TRIM33: variants seen among roughly 807,000 people sequenced by gnomAD.
The protein encoded by TRIM33 is tripartite motif containing 33.
A neutral mutation model predicts 125.4 loss-of-function variants in TRIM33; 20 were observed. That is an observed-to-expected ratio of 0.16 (90% CI 0.11 to 0.23). The LOEUF (loss-of-function observed/expected upper bound fraction) is 0.23. Among genes scored for constraint, TRIM33 ranks in the 10% least tolerant of loss-of-function variants. The pLI, the probability that TRIM33 is intolerant of heterozygous loss-of-function variation, is 1.00. For missense variants in TRIM33, 920 were observed against 1,411.4 expected, an observed-to-expected ratio of 0.65 and a Z score of 5.58; for synonymous variants, 564 against 513.9, an observed-to-expected ratio of 1.10 and a Z score of -1.32.
intron 1 of TRIM33, among the ~76,000 whole-genome samples, chr1:114,471,184 C>A (rs952599637): frequency 1.3e-5 from 2 of 152,168 alleles, no homozygotes; most frequent in Non-Finnish European, 2.9e-5. Context: ...CATGGTGGCT[C>A]CCACCTGTAA....
chr1:114,436,551 CA>C (rs1648318776), intron 4 of TRIM33, among the ~76,000 whole-genome samples: 1 of 151,988 alleles, frequency 6.6e-6, no homozygotes, highest in South Asian at 2.1e-4. Context: ...CTGCAACCTC[CA>C]CCTCCCAGGT....
intron 1 of TRIM33, among the ~76,000 whole-genome samples, chr1:114,508,919 C>A (rs1279855660): frequency 1.3e-5 from 2 of 152,188 alleles, no homozygotes; most frequent in Non-Finnish European, 2.9e-5. Context: ...AAGAAAAGGT[C>A]ATCTGCCCAA....
At chr1:114,448,989 G>T (rs537940893) in intron 4 of TRIM33, among the ~76,000 whole-genome samples, 8 of 152,052 alleles carry the variant, frequency 5.3e-5, no homozygotes, top group Non-Finnish European at 1.0e-4. Flanking sequence ...TATTAAAATT[G>T]CTAGGACTTA....
intron 1 of TRIM33, among the ~76,000 whole-genome samples, chr1:114,471,231 G>A (rs771086927): frequency 3.3e-5 from 5 of 152,160 alleles, no homozygotes; most frequent in African/African-American, 1.2e-4. Flanking sequence ...GGCGGATGGC[G>A]AAGTCAAGAG....
Position 114,500,997 on chromosome 1 carries a change from C to T in TRIM33, c.526+9554G>A, listed in dbSNP as rs1037410004. On this transcript the variant is annotated intron_variant, in intron 1 of 19. Coordinates refer to ENST00000358465, the MANE Select transcript of TRIM33 (RefSeq NM_015906.4). ...CGAGGTCAGGAGATCGAGACCATCCCGGCTAACACGGTAAAACCCCGTCTC... is the reference window on the plus strand; with the variant it reads ...CGAGGTCAGGAGATCGAGACCATCCTGGCTAACACGGTAAAACCCCGTCTC... Among the ~76,000 whole-genome samples the T allele has an allele frequency of 2.4e-5, 3 of 123,778 alleles. 1 individual carries two copies. The highest frequency in any genetic ancestry group is 6.7e-5 in the African/African-American group (2 of 29,638). The allele number at this position is 123,778 out of a possible 152,430, so 81.2% of individuals were successfully genotyped here. A position where few individuals can be genotyped will look rare whatever the true frequency, so the allele number is the denominator to read the frequency against.
chr1:114,490,136 G>GA (rs926270361), intron 1 of TRIM33, among the ~76,000 whole-genome samples: 17 of 109,134 alleles, frequency 1.6e-4, no homozygotes, highest in African/African-American at 2.1e-4. Context: ...AGAAAGACAA[G>GA]AAAAAAAAAA....
chr1:114,411,472 AG>A lies in TRIM33; in HGVS notation c.2062-1157del, dbSNP rs1367894688. Among the ~76,000 whole-genome samples the A allele has an allele frequency of 3.9e-5, 6 of 152,350 alleles. No individual in the cohort carries two copies. The East Asian group carries it at 1.2e-3, about 29-fold the overall frequency. Reference sequence around the variant, plus strand: ...GATGCACTTGCAAAGCTGTGACTACAGGTGAATCCCTAGCTGCAACTCAAGT... The same window carrying A: ...GATGCACTTGCAAAGCTGTGACTACAGTGAATCCCTAGCTGCAACTCAAGT... On this transcript the variant is annotated intron_variant, in intron 11 of 19. Coordinates refer to ENST00000358465, the MANE Select transcript of TRIM33 (RefSeq NM_015906.4).
At chr1:114,442,846 A>G (rs1444322727) in intron 4 of TRIM33, among the ~76,000 whole-genome samples, 1 of 152,000 alleles carries the variant, frequency 6.6e-6, no homozygotes, top group Non-Finnish European at 1.5e-5. Flanking sequence ...TTGTAAAAAC[A>G]ATTTTTTATA....
intron 1 of TRIM33, 24 bp downstream of exon 1, chr1:114,510,527 T>C (rs539155883): frequency 6.9e-7 from 1 of 1,452,788 alleles, no homozygotes; most frequent in Non-Finnish European, 9.1e-7. Flanking sequence ...GCGGCCCAGA[T>C]GCCAGGCAGG....
chr1:114,454,083 T>A (rs1424796755), intron 4 of TRIM33, among the ~76,000 whole-genome samples: 2 of 152,202 alleles, frequency 1.3e-5, no homozygotes, highest in Non-Finnish European at 2.9e-5. Flanking sequence ...TTTTAGGGAA[T>A]CTTGATCTTA....
chr1:114,427,088 GTTAAAAATT>G, intron 8 of TRIM33, 80 bp downstream of exon 8: 4 of 615,630 alleles, frequency 6.5e-6, no homozygotes, highest in Non-Finnish European at 1.2e-5. Context: ...GTTTTATAAA[GTTAAAAATT>G]TTATCTAAAT....
chr1:114,416,565 GC>G (rs1652955135), intron 11 of TRIM33, among the ~76,000 whole-genome samples: 1 of 152,064 alleles, frequency 6.6e-6, no homozygotes, highest in African/African-American at 2.4e-5. Flanking sequence ...ACTCCCTCAA[GC>G]CATTGCATAT....
rs1344727001 is a variant in TRIM33, at chr1:114,393,728, A to C, written c.*3920T>G. The C allele has an allele frequency of 1.9e-5, 4 of 211,894 alleles. No homozygotes were observed. The highest frequency in any genetic ancestry group is 3.8e-5 in the Non-Finnish European group (4 of 104,426). The allele number at this position is 211,894 out of a possible 1,614,324, so 13.1% of individuals were successfully genotyped here. The stretch of plus-strand genomic sequence containing the variant: ...ATGTCTATGTAAACTGTGGCATATA[A>C]ATTTTTTTCCTTAAAAAAGTACCTT... On this transcript the variant is annotated 3_prime_UTR_variant, in exon 20 of 20. Transcript: ENST00000358465.
chr1:114,455,378 T>C (rs1404434136), intron 4 of TRIM33, among the ~76,000 whole-genome samples: 1 of 152,198 alleles, frequency 6.6e-6, no homozygotes, highest in African/African-American at 2.4e-5. Flanking sequence ...TGACTCAGTA[T>C]GCCTTATGGT....
chr1:114,502,389 T>C (rs967104412), intron 1 of TRIM33, among the ~76,000 whole-genome samples: 2 of 152,212 alleles, frequency 1.3e-5, no homozygotes, highest in African/African-American at 2.4e-5. Flanking sequence ...TTTGTTTAGA[T>C]GGGGTATGAC....
chr1:114,406,987 C>G lies in TRIM33; in HGVS notation c.2372G>C (p.Gly791Ala), dbSNP rs765835263. The change falls in exon 14 of 20, where the codon GGT (glycine) becomes GCT (alanine). Residue 791 changes from glycine (G) to alanine (A), a missense_variant. Physicochemically the swap from Gly to Ala is moderately conservative, Grantham distance 60. Transcript: ENST00000358465. ...TEDEICSFSG[G>A]VKQEKTEDGR... ...ATCCTCTGTTTTTTCTTGTTTTACACCTCCTGAAAAGCTACATATTTCATC... is the reference window on the plus strand; with the variant it reads ...ATCCTCTGTTTTTTCTTGTTTTACAGCTCCTGAAAAGCTACATATTTCATC... The G allele has an allele frequency of 6.2e-7, 1 of 1,614,014 alleles. No homozygotes were observed. Among genetic ancestry groups the G allele is most frequent in the Non-Finnish European group, 8.5e-7 (1 of 1,179,924 alleles).
rs35575166 is a variant in TRIM33 at position 114,470,638 on chromosome 1, TAACAACAAC to T, written c.527-6259_527-6251del. 1.3e-4 allele frequency among the ~76,000 whole-genome samples: 19 copies of T among 151,428 alleles called. No homozygotes were observed. The East Asian group carries it at 1.9e-3, about 15-fold the overall frequency. On this transcript the variant is annotated intron_variant, in intron 1 of 19. Coordinates refer to ENST00000358465, the MANE Select transcript of TRIM33 (RefSeq NM_015906.4). ...AATCGATTCAGCATGACTTGGTCAA[TAACAACAAC>T]AACAACAACAACAACAAGTCAAACA...
chr1:114,456,367 G>A (rs906187486), intron 4 of TRIM33, among the ~76,000 whole-genome samples: 2 of 152,152 alleles, frequency 1.3e-5, no homozygotes, highest in Non-Finnish European at 2.9e-5. Context: ...ATTAGACAAC[G>A]GAGTGCTGGT....
At chr1:114,510,352 AC>A (rs1653268488) in intron 1 of TRIM33, among the ~76,000 whole-genome samples, 198 bp downstream of exon 1, 1 of 151,064 alleles carries the variant, frequency 6.6e-6, no homozygotes, top group African/African-American at 2.4e-5. Context: ...CGCAGCCGGC[AC>A]CCCTCCCTTC....
Sources: allele counts gnomAD v4.1 joint callset (sites outside exome capture counted in the v4.1 genomes callset), GRCh38; gene constraint gnomAD v4.1.1; transcripts MANE v1.5; gene names NCBI Gene and HGNC (gene_info 2026-07-23, HGNC 2026-07-21).